RBM33: variants seen among roughly 807,000 people sequenced by gnomAD.
RBM33 encodes the protein RNA binding motif protein 33.
A neutral mutation model predicts 132.6 loss-of-function variants in RBM33; 28 were observed. The ratio of observed to expected loss-of-function variants is 0.21; its 90% CI spans 0.16 to 0.29. The LOEUF (loss-of-function observed/expected upper bound fraction) is 0.29, where lower values mean the gene tolerates loss of function less well. RBM33 is among the 10% of genes least tolerant of loss of function. The pLI is 1.00. For missense variants in RBM33, 1,291 were observed against 1,518.5 expected (o/e 0.85, Z 2.49); for synonymous variants, 634 against 593.0 (o/e 1.07, Z -1.01).
intron 14 of RBM33, among the ~76,000 whole-genome samples, chr7:155,759,319 G>A (rs1563179459): frequency 6.6e-6 from 1 of 151,756 alleles, no homozygotes; most frequent in African/African-American, 2.4e-5. Flanking sequence ...TGACGTTAAT[G>A]TCACCAGACA....
intron 14 of RBM33, among the ~76,000 whole-genome samples, chr7:155,760,070 C>T (rs9654676): frequency 0.013 from 1,963 of 152,308 alleles, 44 homozygotes; most frequent in African/African-American, 0.045. Flanking sequence ...TCTCTTAGCA[C>T]ATTCAGAACT....
intron 8 of RBM33, among the ~76,000 whole-genome samples, chr7:155,715,314 C>A (rs1418730486): frequency 2.0e-5 from 3 of 152,214 alleles, no homozygotes; most frequent in Non-Finnish European, 1.5e-5. Context: ...ATGCTAGCAT[C>A]TGTTATTCTT....
chr7:155,683,043 G>T (rs1490402327), intron 5 of RBM33, among the ~76,000 whole-genome samples: 1 of 151,576 alleles, frequency 6.6e-6, no homozygotes, highest in Non-Finnish European at 1.5e-5. Context: ...GAAGTGTTCT[G>T]ATGTTTTCAC....
chr7:155,693,332 C>CTTTTTTTTTT (rs11417256), intron 5 of RBM33, among the ~76,000 whole-genome samples: 8 of 146,702 alleles, frequency 5.5e-5, no homozygotes, highest in Admixed American at 6.8e-5. Flanking sequence ...ATTTTTTTTT[C>CTTTTTTTTTT]TTTTTTTTTT....
intron 8 of RBM33, among the ~76,000 whole-genome samples, chr7:155,716,277 G>A (rs1800457534): frequency 7.0e-6 from 1 of 142,454 alleles, no homozygotes; most frequent in South Asian, 2.2e-4. Flanking sequence ...CTGTCCGCAC[G>A]CAGCAACCCT....
At chr7:155,741,244 C>CTTTGCCTCCTCCAG (rs1245765281) in intron 12 of RBM33, among the ~76,000 whole-genome samples, 1 of 151,652 alleles carries the variant, frequency 6.6e-6, no homozygotes, top group East Asian at 1.9e-4. Flanking sequence ...CCAGCTCTCT[C>CTTTGCCTCCTCCAG]GTGTTCTCTT....
rs1049520585 is a variant in RBM33 at position 155,665,048 on chromosome 7, A to AT, written c.44-126dup. On this transcript the variant is annotated intron_variant, in intron 1 of 17. Coordinates refer to ENST00000401878, the MANE Select transcript of RBM33 (RefSeq NM_053043.3). Reference sequence around the variant, plus strand: ...ATGGCTAAAGTAAAATGATAGTTACATATGAAACTTTTGTAATTTAAAATG... The same window carrying AT: ...ATGGCTAAAGTAAAATGATAGTTACATTATGAAACTTTTGTAATTTAAAATG... 2.7e-5 allele frequency: 18 copies of AT among 662,288 alleles called. No individual in the cohort carries two copies. In the African/African-American group the frequency reaches 3.2e-4, roughly 12 times the overall value. The allele number at this position is 662,288 out of a possible 1,614,324, so 41.0% of individuals were successfully genotyped here. A position where few individuals can be genotyped will look rare whatever the true frequency, so the allele number is the denominator to read the frequency against.
chr7:155,699,262 C>A (rs894458702), intron 5 of RBM33, among the ~76,000 whole-genome samples: 1 of 152,068 alleles, frequency 6.6e-6, no homozygotes, highest in African/African-American at 2.4e-5. Flanking sequence ...GTCTGTGGAC[C>A]TGAAATGTTG....
intron 4 of RBM33, 40 bp from the exon 5 acceptor site, chr7:155,680,550 T>G: frequency 7.1e-7 from 1 of 1,403,068 alleles, no homozygotes; most frequent in Middle Eastern, 1.8e-4. Context: ...AGCTCCTCTC[T>G]TCATTGGGTG....
intron 3 of RBM33, among the ~76,000 whole-genome samples, chr7:155,673,622 ATATACACACATATACATACACACGTG>A (rs1480626171): frequency 0.018 from 761 of 42,458 alleles, 23 homozygotes; most frequent in Non-Finnish European, 0.034. Context: ...ACGTGTATAT[ATATACACACATATACATACACACGTG>A]TATATATACA....
At chr7:155,726,293 A>T (rs1458949053) in intron 9 of RBM33, among the ~76,000 whole-genome samples, 1 of 152,036 alleles carries the variant, frequency 6.6e-6, no homozygotes, top group Non-Finnish European at 1.5e-5. Flanking sequence ...AATAGCTGTT[A>T]GTGCCTTTTT....
chr7:155,728,093 A>G (rs1299422869), intron 9 of RBM33, among the ~76,000 whole-genome samples: 2 of 152,176 alleles, frequency 1.3e-5, no homozygotes, highest in African/African-American at 2.4e-5. Context: ...TCACTCTGGT[A>G]TATTTCACGG....
At position 155,776,116 on chromosome 7, in the gene RBM33, G is replaced by T. The variant is rs1802600166; in HGVS notation, c.*1075G>T. 6.6e-6 allele frequency: 1 copy of T among 152,526 alleles called. No individual in the cohort carries two copies. The highest frequency in any genetic ancestry group is 6.5e-5 in the Admixed American group (1 of 15,288). The allele number at this position is 152,526 out of a possible 1,614,324, so 9.4% of individuals were successfully genotyped here. ...ATCATTGAAACTGCTTTTCGTAATTGCGGGTAGGTTCCTGTAGGTGAGACA... is the reference window on the plus strand; with the variant it reads ...ATCATTGAAACTGCTTTTCGTAATTTCGGGTAGGTTCCTGTAGGTGAGACA... On this transcript the variant is annotated 3_prime_UTR_variant, in exon 18 of 18. Coordinates refer to ENST00000401878, the MANE Select transcript of RBM33 (RefSeq NM_053043.3). The surrounding 1 kb of genome is among the most constrained non-coding windows in gnomAD (Gnocchi z 4.0).
chr7:155,645,254 C>G (rs866957506), intron 1 of RBM33: 3 of 269,382 alleles, frequency 1.1e-5, no homozygotes, highest in Admixed American at 5.5e-5. Context: ...GCGCCCCCCC[C>G]ACCCCCCGAG....
In RBM33 at chr7:155,745,262, A is replaced by T; in HGVS notation, c.2639A>T (p.Asp880Val). ...VKNRLLVKNQ[D>V]VSISNVQPKT... ...AACAGACTTCTTGTTAAAAACCAGG[A>T]TGTCAGTATTTCAAACGTTCAGCCC... The change falls in exon 14 of 18, where the codon GAT becomes GTT. Residue 880 changes from aspartate to valine, a missense_variant. By Grantham distance (152) the Asp-to-Val change is radical. Around this residue, in one of 7 missense-constraint regions of RBM33, gnomAD observed 841 missense variants for 912.0 expected, o/e 0.92. Transcript: ENST00000401878. The surrounding 1 kb of genome is among the most constrained non-coding windows in gnomAD (Gnocchi z 4.1). The T allele has an allele frequency of 6.2e-7, 1 of 1,612,936 alleles. No individual in the cohort carries two copies. The highest frequency in any genetic ancestry group is 8.5e-7 in the Non-Finnish European group (1 of 1,179,404).
rs1800087390 is a variant in RBM33, at chr7:155,705,488, A to G, written c.740-1372A>G. Among the ~76,000 whole-genome samples the G allele has an allele frequency of 2.6e-5, 4 of 152,308 alleles. No individual in the cohort carries two copies. The South Asian group carries it at 6.2e-4, about 24-fold the overall frequency. On this transcript the variant is annotated intron_variant, in intron 6 of 17. Transcript: ENST00000401878. The stretch of plus-strand genomic sequence containing the variant: ...AGTTTTATTTGAAGGAGAGAGGGGT[A>G]CCATATAAACAATTTCAAGAAAAAT...
chr7:155,693,448 T>G (rs938864214), intron 5 of RBM33, among the ~76,000 whole-genome samples: 4 of 152,136 alleles, frequency 2.6e-5, no homozygotes, highest in African/African-American at 9.7e-5. Flanking sequence ...GTATTTTGTC[T>G]TTTTTATACC....
chr7:155,746,816 G>A (rs1281866784), intron 14 of RBM33, among the ~76,000 whole-genome samples: 1 of 152,120 alleles, frequency 6.6e-6, no homozygotes, highest in Non-Finnish European at 1.5e-5. Flanking sequence ...GTAAACATAG[G>A]CTTCTAGAGT....
intron 8 of RBM33, among the ~76,000 whole-genome samples, chr7:155,715,889 A>T (rs1020915309): frequency 3.3e-5 from 5 of 152,204 alleles, no homozygotes; most frequent in African/African-American, 9.7e-5. Context: ...GGTGCTTTTT[A>T]AAAAAGCTAG....
Sources: allele counts gnomAD v4.1 joint callset (sites outside exome capture counted in the v4.1 genomes callset), GRCh38; gene constraint gnomAD v4.1.1; regional missense constraint gnomAD v4.1.1; non-coding constraint Gnocchi (gnomAD v3.1); transcripts MANE v1.5; gene names NCBI Gene and HGNC (gene_info 2026-07-23, HGNC 2026-07-21).